The following IFT88 variants were observed in gnomAD, a reference collection of about 807,000 sequenced individuals.
IFT88 encodes the protein intraflagellar transport protein 88 homolog.
In IFT88, 74 loss-of-function variants were observed where a neutral mutation model predicts 119.5. That is an observed-to-expected ratio of 0.62 (90% CI 0.51 to 0.75). The LOEUF (loss-of-function observed/expected upper bound fraction) is 0.75. Among genes scored for constraint, IFT88 ranks in the 30% least tolerant of loss-of-function variants. The probability of loss-of-function intolerance (pLI) is 0.00; values close to 1 mark genes in which losing one functional copy is unlikely to be tolerated. For synonymous variants in IFT88, 279 were observed against 316.7 expected (o/e 0.88, Z 1.26); for missense variants, 961 against 977.7 (o/e 0.98, Z 0.23).
At chr13:20,615,048 C>G (rs995900649) in intron 13 of IFT88, among the ~76,000 whole-genome samples, 6 of 152,120 alleles carry the variant, frequency 3.9e-5, no homozygotes, top group Admixed American at 1.3e-4. Context: ...ATCTCCTGAC[C>G]TTGTGATCCA....
rs529568271 is a variant in IFT88 at position 20,584,800 on chromosome 13, A to G, written c.153+1781A>G. Among the ~76,000 whole-genome samples the G allele has an allele frequency of 6.6e-4, 100 of 152,284 alleles. 2 individuals carry two copies. In the South Asian group the frequency reaches 0.02, roughly 31 times the overall value. ...TGCTGCTTCTCCCTACCTATCTAAT[A>G]CTATACAGCAGTGGCTCTCAGCGGG... On this transcript the variant is annotated intron_variant, in intron 3 of 25. Transcript: ENST00000351808.
chr13:20,652,389 C>A (rs1594656174), intron 20 of IFT88, among the ~76,000 whole-genome samples: 1 of 152,118 alleles, frequency 6.6e-6, no homozygotes, highest in South Asian at 2.1e-4. Flanking sequence ...GTAATTCCAG[C>A]ACTTTGGGAG....
chr13:20,650,032 G>C (rs780653771), intron 20 of IFT88, among the ~76,000 whole-genome samples: 1 of 152,060 alleles, frequency 6.6e-6, no homozygotes, highest in African/African-American at 2.4e-5. Flanking sequence ...GGATTCACTG[G>C]TGAATTCTGC....
intron 24 of IFT88, among the ~76,000 whole-genome samples, chr13:20,689,722 T>G (rs2058299826): frequency 6.6e-6 from 1 of 152,158 alleles, no homozygotes; most frequent in Non-Finnish European, 1.5e-5. Flanking sequence ...ATCTTAAACC[T>G]TTTTGGAGAC....
chr13:20,611,035 T>C (rs1357553613), intron 13 of IFT88, among the ~76,000 whole-genome samples: 1 of 151,664 alleles, frequency 6.6e-6, no homozygotes, highest in Non-Finnish European at 1.5e-5. Context: ...GAGTCTGCAG[T>C]GAGCCGTGAT....
At chr13:20,638,637 G>A (rs1221857321) in intron 17 of IFT88, 119 bp downstream of exon 17, 6 of 543,994 alleles carry the variant, frequency 1.1e-5, no homozygotes, top group Admixed American at 4.2e-5. Flanking sequence ...TCCTTCTAAC[G>A]GAAAATTGAA....
chr13:20,678,307 C>T (rs1276230391), intron 24 of IFT88, among the ~76,000 whole-genome samples: 1 of 152,196 alleles, frequency 6.6e-6, no homozygotes, highest in Non-Finnish European at 1.5e-5. Flanking sequence ...ATTAAAGACA[C>T]AGACACAGAA....
At chr13:20,605,011 T>G in intron 12 of IFT88, 24 bp from the exon 13 acceptor site, 1 of 1,169,782 alleles carries the variant, frequency 8.5e-7, no homozygotes, top group Non-Finnish European at 1.3e-6. Flanking sequence ...ATTATTCTTT[T>G]TTTCTTCCAT....
intron 20 of IFT88, among the ~76,000 whole-genome samples, chr13:20,650,808 G>T (rs971360946): frequency 2.6e-5 from 4 of 152,112 alleles, no homozygotes; most frequent in African/African-American, 9.7e-5. Context: ...GTATTTCTAT[G>T]TATTTGCAAT....
In IFT88 at chr13:20,670,889, T is replaced by G. The variant is rs572089221; in HGVS notation, c.2176-84T>G. On this transcript the variant is annotated intron_variant, in intron 23 of 25. Coordinates refer to ENST00000351808, the MANE Select transcript of IFT88 (RefSeq NM_006531.5). The stretch of plus-strand genomic sequence containing the variant: ...TAGTCCTAAGGGTAATGTAGTAATG[T>G]TAATTTTAAAATCCACCTTTATCTA... The G allele has an allele frequency of 5.2e-5, 61 of 1,167,578 alleles. 1 individual carries two copies. The East Asian group carries it at 1.5e-3, about 28-fold the overall frequency. The allele number at this position is 1,167,578 out of a possible 1,614,324, so 72.3% of individuals were successfully genotyped here.
chr13:20,639,320 C>G (rs2049496561), intron 17 of IFT88, among the ~76,000 whole-genome samples: 1 of 152,134 alleles, frequency 6.6e-6, no homozygotes. Flanking sequence ...AGTGGAGTCT[C>G]TAAGTCCATG....
At chr13:20,652,968 A>T (rs1308700082) in intron 20 of IFT88, among the ~76,000 whole-genome samples, 1 of 152,226 alleles carries the variant, frequency 6.6e-6, no homozygotes, top group East Asian at 1.9e-4. Flanking sequence ...ATGTTAAGCA[A>T]GGCACGGTGG....
intron 23 of IFT88, among the ~76,000 whole-genome samples, chr13:20,666,461 C>G (rs1319171073): frequency 6.6e-6 from 1 of 152,108 alleles, no homozygotes; most frequent in Admixed American, 6.5e-5. Context: ...TCTGGGTGGC[C>G]CATCCTGGAT....
At chr13:20,575,065 G>T (rs953327333) in intron 2 of IFT88, among the ~76,000 whole-genome samples, 3 of 143,094 alleles carry the variant, frequency 2.1e-5, no homozygotes, top group African/African-American at 5.1e-5. Flanking sequence ...CTTTCTTTTT[G>T]TTTTTTTTTT....
rs2048550470 is a variant in IFT88, at chr13:20,633,633, G to A, written c.1386+2531G>A. Among the ~76,000 whole-genome samples the A allele has an allele frequency of 2.0e-5, 3 of 152,132 alleles. No homozygotes were observed. In the South Asian group the frequency reaches 6.2e-4, roughly 32 times the overall value. On this transcript the variant is annotated intron_variant, in intron 16 of 25. Transcript: ENST00000351808. ...CAAGTTTGACGACTGTGCAGGAGGA[G>A]ACCAATAGAAAATTTAAAGAAGCAA...
intron 24 of IFT88, among the ~76,000 whole-genome samples, chr13:20,681,141 C>T (rs1448186753): frequency 6.6e-6 from 1 of 152,154 alleles, no homozygotes; most frequent in Non-Finnish European, 1.5e-5. Flanking sequence ...GTTTAATATT[C>T]CATATAGAGA....
intron 7 of IFT88, among the ~76,000 whole-genome samples, chr13:20,594,857 G>T (rs2041357481): frequency 6.6e-6 from 1 of 152,108 alleles, no homozygotes; most frequent in Admixed American, 6.5e-5. Context: ...AAGTTATGCT[G>T]CTCAATTTAT....
rs144190958 is a variant in IFT88 at position 20,601,059 on chromosome 13, CAG to C, written c.813-640_813-639del. Among the ~76,000 whole-genome samples, 18 of 152,224 alleles carry C rather than the reference CAG, an allele frequency of 1.2e-4. No individual in the cohort carries two copies. In the East Asian group the frequency reaches 3.1e-3, roughly 26 times the overall value. ...ATTTATGTACAATGCCTAGAAGAGA[CAG>C]AGAGACAGAAAATAGACTAATGGGC... On this transcript the variant is annotated intron_variant, in intron 11 of 25. Transcript: ENST00000351808.
intron 16 of IFT88, among the ~76,000 whole-genome samples, chr13:20,637,581 T>C (rs1362629753): frequency 1.3e-5 from 2 of 152,140 alleles, no homozygotes; most frequent in African/African-American, 4.8e-5. Context: ...AGGGACAGCA[T>C]AGTCAGGAAG....
Sources: allele counts gnomAD v4.1 joint callset (sites outside exome capture counted in the v4.1 genomes callset), GRCh38; gene constraint gnomAD v4.1.1; transcripts MANE v1.5; gene names NCBI Gene and HGNC (gene_info 2026-07-23, HGNC 2026-07-21).